The following METTL24 variants were observed in gnomAD, a reference collection of about 807,000 sequenced individuals.
METTL24 encodes methyltransferase like 24, also known as probable methyltransferase-like protein 24.
In METTL24, 29 loss-of-function variants were observed where a neutral mutation model predicts 32.7. The observed-to-expected ratio is 0.89, with a 90% CI of 0.66 to 1.21. The LOEUF (loss-of-function observed/expected upper bound fraction) is 1.21, where lower values mean the gene tolerates loss of function less well. Among genes scored for constraint, METTL24 ranks in the 50% most tolerant of loss-of-function variants. The pLI, the probability that METTL24 is intolerant of heterozygous loss-of-function variation, is 0.00. For missense variants in METTL24, 439 were observed against 468.1 expected (o/e 0.94, Z 0.57); for synonymous variants, 163 against 179.5 (o/e 0.91, Z 0.73).
At chr6:110,326,046 A>G (rs558013524) in intron 1 of METTL24, among the ~76,000 whole-genome samples, 1 of 152,172 alleles carries the variant, frequency 6.6e-6, no homozygotes, top group African/African-American at 2.4e-5. Flanking sequence ...TTTCTTCCCC[A>G]AAGTGAGTTC....
Position 110,340,290 on chromosome 6 carries a change from G to A in METTL24, c.319-17418C>T, listed in dbSNP as rs116288404. ...TAGGGGCTGTTGTCCAGGACAGTAG[G>A]CCCACCTCCTGAGGGTTCAGCCCAG... On this transcript the variant is annotated intron_variant, in intron 1 of 4. Coordinates refer to ENST00000338882, the MANE Select transcript of METTL24 (RefSeq NM_001123364.3). Among the ~76,000 whole-genome samples the A allele has an allele frequency of 7.5e-3, 1,138 of 152,236 alleles. 12 individuals are homozygous for A. The highest frequency in any genetic ancestry group is 0.026 in the African/African-American group (1,085 of 41,536).
At chr6:110,293,324 T>C (rs1771353887) in intron 4 of METTL24, among the ~76,000 whole-genome samples, 1 of 152,098 alleles carries the variant, frequency 6.6e-6, no homozygotes, top group Non-Finnish European at 1.5e-5. Context: ...AGTTTATCTT[T>C]AGCTTTATTT....
At chr6:110,310,558 C>G (rs1771704239) in intron 3 of METTL24, among the ~76,000 whole-genome samples, 1 of 152,134 alleles carries the variant, frequency 6.6e-6, no homozygotes, top group South Asian at 2.1e-4. Flanking sequence ...TCTTCTCTAT[C>G]CCTTTCTCCA....
chr6:110,354,648 G>C lies in METTL24; in HGVS notation c.318+3307C>G, dbSNP rs530838613. On this transcript the variant is annotated intron_variant, in intron 1 of 4. Transcript: ENST00000338882. ...TCAGCTTACATTACAGTGCTGTCTT[G>C]ATGTGAGGCAGAAAAGAAACAAGAC... 4.6e-5 allele frequency among the ~76,000 whole-genome samples: 7 copies of C among 152,324 alleles called. No individual in the cohort carries two copies. The East Asian group carries it at 1.3e-3, about 29-fold the overall frequency.
chr6:110,300,980 T>C (rs886779414), intron 3 of METTL24, among the ~76,000 whole-genome samples: 32 of 152,316 alleles, frequency 2.1e-4, no homozygotes, highest in African/African-American at 7.5e-4. Flanking sequence ...CCATTTTATA[T>C]CCAGGACTTG....
Position 110,245,555 on chromosome 6 carries a change from C to A in METTL24, c.*391G>T, listed in dbSNP as rs987016189. 1.3e-5 allele frequency among the ~76,000 whole-genome samples: 2 copies of A among 152,006 alleles called. No individual in the cohort carries two copies. Among genetic ancestry groups the A allele is most frequent in the Non-Finnish European group, 2.9e-5 (2 of 67,994 alleles). On this transcript the variant is annotated 3_prime_UTR_variant, in exon 5 of 5. Transcript: ENST00000338882. ...GGAGGGTCAAATTCAAATTTAAAAC[C>A]CTATTTTAAACAGTAGGGGAAGAAC... is the stretch of plus-strand genomic sequence containing the variant.
At chr6:110,269,989 A>T (rs1770925469) in intron 4 of METTL24, among the ~76,000 whole-genome samples, 2 of 152,204 alleles carry the variant, frequency 1.3e-5, no homozygotes, top group Admixed American at 6.6e-5. Flanking sequence ...TAGTTAAAGT[A>T]AAAAGACACT....
At chr6:110,296,339 A>C (rs1211598390) in intron 4 of METTL24, among the ~76,000 whole-genome samples, 4 of 152,262 alleles carry the variant, frequency 2.6e-5, no homozygotes, top group African/African-American at 9.6e-5. Context: ...CTGTATGCTT[A>C]GTTAACAATA....
At chr6:110,282,820 A>AT (rs1771161736) in intron 4 of METTL24, among the ~76,000 whole-genome samples, 2 of 152,166 alleles carry the variant, frequency 1.3e-5, no homozygotes, top group African/African-American at 4.8e-5. Flanking sequence ...AAGAGCTGTG[A>AT]TATTTTTTTG....
chr6:110,311,738 T>C (rs1191143286), intron 3 of METTL24, among the ~76,000 whole-genome samples: 1 of 152,188 alleles, frequency 6.6e-6, no homozygotes, highest in Non-Finnish European at 1.5e-5. Context: ...CCTCAAAAAG[T>C]GCTGGGCTTG....
At chr6:110,247,701 T>A (rs924006291) in intron 4 of METTL24, among the ~76,000 whole-genome samples, 1 of 152,164 alleles carries the variant, frequency 6.6e-6, no homozygotes, top group Non-Finnish European at 1.5e-5. Flanking sequence ...ACTGAAGTCA[T>A]GAATATCCTG....
At chr6:110,344,543 TA>T (rs972725886) in intron 1 of METTL24, among the ~76,000 whole-genome samples, 30 of 152,160 alleles carry the variant, frequency 2.0e-4, no homozygotes, top group African/African-American at 6.3e-4. Context: ...ATTGATGAAA[TA>T]AAAAAATAAT....
chr6:110,351,763 A>C (rs1243092619), intron 1 of METTL24, among the ~76,000 whole-genome samples: 1 of 152,328 alleles, frequency 6.6e-6, no homozygotes, highest in East Asian at 1.9e-4. Flanking sequence ...TGTGAATGTC[A>C]AAGAGACCAA....
At chr6:110,262,386 C>T (rs948045389) in intron 4 of METTL24, among the ~76,000 whole-genome samples, 5 of 152,028 alleles carry the variant, frequency 3.3e-5, no homozygotes, top group African/African-American at 9.7e-5. Flanking sequence ...ATAAATTCCT[C>T]GACACATACA....
chr6:110,299,009 C>A lies in METTL24; in HGVS notation c.699G>T (p.Arg233=). 1 of 1,614,158 alleles carries A rather than the reference C, an allele frequency of 6.2e-7. No homozygotes were observed. The highest frequency in any genetic ancestry group is 8.5e-7 in the Non-Finnish European group (1 of 1,180,036). The change falls in exon 4 of 5, where the codon CGG becomes CGT. Residue 233 remains arginine, a synonymous_variant. Coordinates refer to ENST00000338882, the MANE Select transcript of METTL24 (RefSeq NM_001123364.3). ...LWYHRLSIDW[R]DPHPAVAAQK... ...GGGCAGCAACAGCTGGATGGGGATC[C>A]CGCCAGTCAATGGACAAGCGGTGAT...
At chr6:110,344,341 T>A (rs1413395810) in intron 1 of METTL24, among the ~76,000 whole-genome samples, 1 of 152,156 alleles carries the variant, frequency 6.6e-6, no homozygotes, top group Non-Finnish European at 1.5e-5. Flanking sequence ...TCTACTGAAG[T>A]TTTTTCTCAC....
At chr6:110,281,926 G>A (rs571838461) in intron 4 of METTL24, among the ~76,000 whole-genome samples, 1 of 152,200 alleles carries the variant, frequency 6.6e-6, no homozygotes, top group South Asian at 2.1e-4. Context: ...TATTTTCAAA[G>A]ATGTGAATAC....
At chr6:110,298,874 T>C (rs761653562) in intron 4 of METTL24, 48 bp downstream of exon 4, 1 of 1,541,712 alleles carries the variant, frequency 6.5e-7, no homozygotes, top group Non-Finnish European at 8.9e-7. Context: ...AAAAAGCTGA[T>C]GGGTTTGTTT....
intron 1 of METTL24, among the ~76,000 whole-genome samples, chr6:110,332,116 A>G (rs1051494260): frequency 5.9e-5 from 9 of 152,212 alleles, no homozygotes; most frequent in African/African-American, 2.2e-4. Context: ...AAATCAAATC[A>G]GCTCTGACAA....
Sources: allele counts gnomAD v4.1 joint callset (sites outside exome capture counted in the v4.1 genomes callset), GRCh38; gene constraint gnomAD v4.1.1; transcripts MANE v1.5; gene names NCBI Gene and HGNC (gene_info 2026-07-23, HGNC 2026-07-21).